The following MAPK10 variants were observed in gnomAD, a reference collection of about 807,000 sequenced individuals.
The protein encoded by MAPK10 is JNK3 alpha protein kinase.
MAPK10 carries 25 observed loss-of-function variants against 59.3 expected under a neutral mutation model. The ratio of observed to expected loss-of-function variants is 0.42; its 90% CI spans 0.31 to 0.59. The LOEUF is 0.59. MAPK10 is among the 20% of genes least tolerant of loss of function. The pLI, the probability that MAPK10 is intolerant of heterozygous loss-of-function variation, is 0.15. For missense variants in MAPK10, 351 were observed against 568.9 expected (o/e 0.62, Z 3.90); for synonymous variants, 190 against 200.5 (o/e 0.95, Z 0.44).
intron 4 of MAPK10, among the ~76,000 whole-genome samples, chr4:86,112,487 G>A (rs943151852): frequency 6.6e-6 from 1 of 152,172 alleles, no homozygotes; most frequent in Non-Finnish European, 1.5e-5. Flanking sequence ...GAGTCATTCA[G>A]GAGCATGTTG....
intron 2 of MAPK10, among the ~76,000 whole-genome samples, chr4:86,292,266 T>C (rs1006387733): frequency 1.3e-5 from 2 of 152,224 alleles, no homozygotes; most frequent in African/African-American, 2.4e-5. Flanking sequence ...TTGATCTCAA[T>C]GGCTATTAAG....
intron 2 of MAPK10, among the ~76,000 whole-genome samples, chr4:86,318,562 A>G (rs1186899158): frequency 2.0e-5 from 3 of 152,110 alleles, no homozygotes; most frequent in Non-Finnish European, 4.4e-5. Context: ...AGGAGAAATA[A>G]TCTGCCCAAA....
chr4:86,392,709 A>C (rs1431678643), intron 1 of MAPK10, among the ~76,000 whole-genome samples: 2 of 152,212 alleles, frequency 1.3e-5, no homozygotes, highest in Non-Finnish European at 2.9e-5. Flanking sequence ...GTGCTCAATA[A>C]ATACTTGCTG....
At chr4:86,021,860 C>T (rs1181274046) in intron 13 of MAPK10, among the ~76,000 whole-genome samples, 1 of 152,246 alleles carries the variant, frequency 6.6e-6, no homozygotes, top group Non-Finnish European at 1.5e-5. Context: ...GTGCTAAGTC[C>T]CTCACTGCCC....
At chr4:86,545,938 A>C (rs541442481) in intron 1 of MAPK10, among the ~76,000 whole-genome samples, 2 of 152,322 alleles carry the variant, frequency 1.3e-5, no homozygotes, top group Admixed American at 6.5e-5. Context: ...CAAAATAAAA[A>C]TGCAGGGCTC....
rs1289353090 is a variant in MAPK10, at chr4:86,279,191, A to G, written c.-7+75339T>C. Among the ~76,000 whole-genome samples, 4 of 152,308 alleles carry G rather than the reference A, an allele frequency of 2.6e-5. 1 individual carries two copies. The highest frequency in any genetic ancestry group is 9.6e-5 in the African/African-American group (4 of 41,588). On this transcript the variant is annotated intron_variant, in intron 2 of 13. Coordinates refer to ENST00000641462, the MANE Select transcript of MAPK10 (RefSeq NM_138982.4). ...TTTTGAAAGTACATAAATTTATAGTATATGGAGAAAAACAGAAATGTGCAC... is the reference window on the plus strand; with the variant it reads ...TTTTGAAAGTACATAAATTTATAGTGTATGGAGAAAAACAGAAATGTGCAC...
At chr4:86,356,472 C>G in intron 1 of MAPK10, 6 of 916,378 alleles carry the variant, frequency 6.5e-6, no homozygotes, top group Non-Finnish European at 7.8e-6. Context: ...CTGATGTCTC[C>G]TCTTAAGAGT....
intron 1 of MAPK10, among the ~76,000 whole-genome samples, chr4:86,540,978 G>A (rs1296861190): frequency 6.6e-6 from 1 of 152,142 alleles, no homozygotes; most frequent in Non-Finnish European, 1.5e-5. Flanking sequence ...TTTCCTACAT[G>A]AAATCAGGGA....
At chr4:86,345,018 T>C (rs1380576307) in intron 2 of MAPK10, among the ~76,000 whole-genome samples, 1 of 152,224 alleles carries the variant, frequency 6.6e-6, no homozygotes, top group African/African-American at 2.4e-5. Context: ...TTCCTTATGT[T>C]TAGCACATCT....
intron 1 of MAPK10, among the ~76,000 whole-genome samples, chr4:86,549,112 A>G (rs1759549997): frequency 6.6e-6 from 1 of 152,176 alleles, no homozygotes; most frequent in African/African-American, 2.4e-5. Flanking sequence ...AAAAGCTTAT[A>G]TATTATTAAA....
intron 1 of MAPK10, among the ~76,000 whole-genome samples, chr4:86,551,807 G>A (rs1412175933): frequency 2.0e-5 from 3 of 152,112 alleles, no homozygotes; most frequent in South Asian, 4.1e-4. Flanking sequence ...GTTTCCCCAT[G>A]CTGGCCAGGC....
At chr4:86,203,996 C>T (rs1582725749) in intron 2 of MAPK10, among the ~76,000 whole-genome samples, 1 of 151,776 alleles carries the variant, frequency 6.6e-6, no homozygotes, top group South Asian at 2.1e-4. Flanking sequence ...CAGTTAATCA[C>T]CTGTTTTAAT....
At chr4:86,035,609 A>C (rs1367953271) in intron 11 of MAPK10, among the ~76,000 whole-genome samples, 1 of 151,964 alleles carries the variant, frequency 6.6e-6, no homozygotes, top group African/African-American at 2.4e-5. Context: ...AAAGACACAG[A>C]TTCAGGAATA....
chr4:86,382,425 A>G (rs1482884853), intron 1 of MAPK10, among the ~76,000 whole-genome samples: 3 of 152,052 alleles, frequency 2.0e-5, no homozygotes, highest in South Asian at 2.1e-4. Context: ...ATTGTACCCT[A>G]TTGCTTTCCC....
At chr4:86,267,313 T>C (rs1269926670) in intron 2 of MAPK10, among the ~76,000 whole-genome samples, 1 of 152,078 alleles carries the variant, frequency 6.6e-6, no homozygotes, top group Non-Finnish European at 1.5e-5. Flanking sequence ...GCCACGTAAA[T>C]GTAATTATTT....
rs557986110 is a variant in MAPK10 at position 86,071,315 on chromosome 4, G to T, written c.803-3360C>A. ...TAGCCCTTTGTCAGATGAGTAGGTTGCGAACATTTTCTCCCATTTTGTAGG... is the reference window on the plus strand; with the variant it reads ...TAGCCCTTTGTCAGATGAGTAGGTTTCGAACATTTTCTCCCATTTTGTAGG... On this transcript the variant is annotated intron_variant, in intron 9 of 13. Coordinates refer to ENST00000641462, the MANE Select transcript of MAPK10 (RefSeq NM_138982.4). Among the ~76,000 whole-genome samples the T allele has an allele frequency of 8.7e-5, 12 of 138,408 alleles. 2 individuals are homozygous for T. In the South Asian group the frequency reaches 2.7e-3, roughly 31 times the overall value. 90.8% of individuals were successfully genotyped at this position (138,408 alleles called of 152,430 possible).
intron 2 of MAPK10, among the ~76,000 whole-genome samples, chr4:86,316,722 T>C (rs891415676): frequency 6.6e-6 from 1 of 152,118 alleles, no homozygotes; most frequent in African/African-American, 2.4e-5. Context: ...CAGACAGAGA[T>C]TGTTCCAGGG....
intron 13 of MAPK10, among the ~76,000 whole-genome samples, chr4:86,023,723 C>T (rs1560630135): frequency 1.4e-5 from 2 of 145,854 alleles, no homozygotes; most frequent in Non-Finnish European, 3.0e-5. Flanking sequence ...ATGTTCATTG[C>T]TAATGTGTAG....
At chr4:86,566,185 G>A (rs1267630468) in intron 1 of MAPK10, among the ~76,000 whole-genome samples, 2 of 151,918 alleles carry the variant, frequency 1.3e-5, no homozygotes, top group Non-Finnish European at 2.9e-5. Flanking sequence ...CTTGGTATAC[G>A]GCATATATTA....
Sources: gnomAD v4.1 joint callset for allele counts (sites outside exome capture counted in the v4.1 genomes callset) on GRCh38, gnomAD v4.1.1 for gene constraint, MANE v1.5 for transcripts, NCBI Gene and HGNC (gene_info 2026-07-23, HGNC 2026-07-21) for gene names.